Variants in ZNF385B observed in about 807,000 individuals in gnomAD.
The protein encoded by ZNF385B is zinc finger protein 385B, also known as zinc finger protein 533.
A neutral mutation model predicts 39.2 loss-of-function variants in ZNF385B; 23 were observed. The ratio of observed to expected loss-of-function variants is 0.59; its 90% CI spans 0.42 to 0.83. The LOEUF is 0.83. Ranked by LOEUF, ZNF385B falls within the 40% of genes least tolerant of loss-of-function variation. ZNF385B has a pLI of 0.00. For synonymous variants in ZNF385B, 205 were observed against 222.6 expected, an observed-to-expected ratio of 0.92 and a Z score of 0.70; for missense variants, 552 against 598.9, an observed-to-expected ratio of 0.92 and a Z score of 0.82.
intron 3 of ZNF385B, among the ~76,000 whole-genome samples, chr2:179,683,272 C>T (rs1203962778): frequency 6.6e-6 from 1 of 151,780 alleles, no homozygotes; most frequent in Non-Finnish European, 1.5e-5. Context: ...CACCTGTAAT[C>T]GCAGCTACTC....
chr2:179,769,603 C>T lies in ZNF385B; in HGVS notation c.198G>A (p.Val66=), dbSNP rs1284755972. 1.2e-6 allele frequency: 2 copies of T among 1,614,030 alleles called. No homozygotes were observed. Among genetic ancestry groups the T allele is most frequent in the African/African-American group, 1.3e-5 (1 of 74,898 alleles). The change falls in exon 3 of 10, where the codon GTG becomes GTA. Residue 66 remains valine, a synonymous_variant. Coordinates refer to ENST00000410066, the MANE Select transcript of ZNF385B (RefSeq NM_152520.6). Reference sequence around the variant, plus strand: ...TGCGGTGGGATTTGCCGTTGGAATGCACCTGAGCCTGGGCTGCAGAGTTCA... The same window carrying T: ...TGCGGTGGGATTTGCCGTTGGAATGTACCTGAGCCTGGGCTGCAGAGTTCA... ...IQLNSAAQAQ[V]HSNGKSHRKR...
intron 3 of ZNF385B, among the ~76,000 whole-genome samples, chr2:179,639,873 G>A (rs1203172315): frequency 6.6e-6 from 1 of 152,116 alleles, no homozygotes; most frequent in Non-Finnish European, 1.5e-5. Flanking sequence ...CAATCATGCA[G>A]ACACTATCTT....
At chr2:179,733,733 A>C (rs1296762556) in intron 3 of ZNF385B, among the ~76,000 whole-genome samples, 1 of 137,598 alleles carries the variant, frequency 7.3e-6, no homozygotes, top group Non-Finnish European at 1.5e-5. Flanking sequence ...CAGTAAGCCG[A>C]GGTTGTGCCA....
At chr2:179,780,729 T>C (rs914449915) in intron 1 of ZNF385B, among the ~76,000 whole-genome samples, 4 of 152,204 alleles carry the variant, frequency 2.6e-5, no homozygotes, top group African/African-American at 9.6e-5. Context: ...TTGCTGACAA[T>C]ATGTATTTAG....
intron 3 of ZNF385B, among the ~76,000 whole-genome samples, chr2:179,725,822 T>C (rs1029611700): frequency 1.3e-5 from 2 of 150,684 alleles, no homozygotes; most frequent in Non-Finnish European, 3.0e-5. Flanking sequence ...CCTATATAGA[T>C]ATACATCTCA....
chr2:179,725,924 ATATATATATG>A (rs1173691289), intron 3 of ZNF385B, among the ~76,000 whole-genome samples: 5 of 145,550 alleles, frequency 3.4e-5, no homozygotes, highest in African/African-American at 7.7e-5. Context: ...ATATATATAT[ATATATATATG>A]TGTATATACA....
chr2:179,478,925 T>G (rs1422592666), intron 6 of ZNF385B, among the ~76,000 whole-genome samples: 1 of 152,158 alleles, frequency 6.6e-6, no homozygotes, highest in African/African-American at 2.4e-5. Flanking sequence ...TTATGACACT[T>G]GAACTCCAGG....
chr2:179,851,270 G>T (rs1238798853), intron 1 of ZNF385B, among the ~76,000 whole-genome samples: 1 of 152,150 alleles, frequency 6.6e-6, no homozygotes, highest in Non-Finnish European at 1.5e-5. Flanking sequence ...GTGCAACGCG[G>T]CAAGACATCA....
intron 5 of ZNF385B, among the ~76,000 whole-genome samples, chr2:179,490,906 A>G (rs1175978193): frequency 6.6e-6 from 1 of 152,188 alleles, no homozygotes. Flanking sequence ...CATTTGTTCA[A>G]TTCTGTGCTC....
At chr2:179,546,202 A>G (rs2060221373) in intron 3 of ZNF385B, among the ~76,000 whole-genome samples, 1 of 151,494 alleles carries the variant, frequency 6.6e-6, no homozygotes, top group South Asian at 2.1e-4. Context: ...CACCTGGCTA[A>G]TTTTTGTATT....
Position 179,770,649 on chromosome 2 carries a change from T to C in ZNF385B, c.-131A>G, listed in dbSNP as rs999507095. 1 of 152,232 alleles carries C rather than the reference T, an allele frequency of 6.6e-6. No individual in the cohort carries two copies. Among genetic ancestry groups the C allele is most frequent in the Non-Finnish European group, 1.5e-5 (1 of 68,038 alleles). 9.4% of individuals were successfully genotyped at this position (152,232 alleles called of 1,614,324 possible). On this transcript the variant is annotated 5_prime_UTR_variant, in exon 2 of 10. Transcript: ENST00000410066. The stretch of plus-strand genomic sequence containing the variant: ...AGCCCATAAACATCAATTTAATATT[T>C]GATGGAGTTGAAATGTAGAACATCT...
intron 3 of ZNF385B, among the ~76,000 whole-genome samples, chr2:179,676,905 C>T (rs1476987334): frequency 3.3e-5 from 5 of 152,108 alleles, no homozygotes; most frequent in Admixed American, 6.6e-5. Flanking sequence ...GAGAAATACT[C>T]AGGGAGTAAT....
chr2:179,782,553 C>T (rs951956884), intron 1 of ZNF385B, among the ~76,000 whole-genome samples: 6 of 152,120 alleles, frequency 3.9e-5, no homozygotes. Context: ...TATCTGTTTG[C>T]AGATGATATG....
chr2:179,534,325 T>C (rs1041307995), intron 4 of ZNF385B, among the ~76,000 whole-genome samples: 2 of 152,276 alleles, frequency 1.3e-5, no homozygotes, highest in Admixed American at 6.5e-5. Context: ...GGGATAGAAA[T>C]ATTAATTAAA....
At chr2:179,740,161 T>C (rs181617305) in intron 3 of ZNF385B, among the ~76,000 whole-genome samples, 1 of 152,178 alleles carries the variant, frequency 6.6e-6, no homozygotes, top group African/African-American at 2.4e-5. Context: ...TTTAACTTGC[T>C]GGAAGGAAGG....
rs913669410 is a variant in ZNF385B, at chr2:179,861,433, CGCCCGGCCCGGCCCG to C, written c.-502_-488del. 4 of 150,756 alleles carry C rather than the reference CGCCCGGCCCGGCCCG, an allele frequency of 2.7e-5. No homozygotes were observed. The highest frequency in any genetic ancestry group is 9.7e-5 in the African/African-American group (4 of 41,162). The allele number at this position is 150,756 out of a possible 1,614,324, so 9.3% of individuals were successfully genotyped here. On this transcript the variant is annotated 5_prime_UTR_variant, in exon 1 of 10. Transcript: ENST00000410066. The stretch of plus-strand genomic sequence containing the variant: ...GCGTGTGCCCGGAGCCCGCTGGGCG[CGCCCGGCCCGGCCCG>C]GCCCCGCCGCACGCCCGCCCCCCTG...
chr2:179,460,929 C>G (rs1431818689), intron 6 of ZNF385B, among the ~76,000 whole-genome samples: 1 of 152,168 alleles, frequency 6.6e-6, no homozygotes, highest in African/African-American at 2.4e-5. Flanking sequence ...TAAACTTTTC[C>G]TACCACAGTA....
intron 1 of ZNF385B, among the ~76,000 whole-genome samples, chr2:179,775,264 G>A (rs1287009484): frequency 6.6e-6 from 1 of 152,098 alleles, no homozygotes; most frequent in Non-Finnish European, 1.5e-5. Flanking sequence ...ATTAAACACT[G>A]ATTATAGACA....
At chr2:179,824,491 G>A (rs555167974) in intron 1 of ZNF385B, among the ~76,000 whole-genome samples, 1 of 152,104 alleles carries the variant, frequency 6.6e-6, no homozygotes, top group South Asian at 2.1e-4. Flanking sequence ...TACACAGTAG[G>A]TGCAATATGA....
Sources: gnomAD v4.1 joint callset for allele counts (sites outside exome capture counted in the v4.1 genomes callset) on GRCh38, gnomAD v4.1.1 for gene constraint, MANE v1.5 for transcripts, NCBI Gene and HGNC (gene_info 2026-07-23, HGNC 2026-07-21) for gene names.